The following PDE1C variants were observed in gnomAD, a reference collection of about 807,000 sequenced individuals.
PDE1C encodes dual specificity calcium/calmodulin-dependent 3',5'-cyclic nucleotide phosphodiesterase 1C.
PDE1C carries 62 observed loss-of-function variants against 93.1 expected under a neutral mutation model. The observed-to-expected ratio is 0.67, with a 90% CI of 0.54 to 0.82. The LOEUF is 0.82. PDE1C is among the 40% of genes least tolerant of loss of function. The pLI, the probability that PDE1C is intolerant of heterozygous loss-of-function variation, is 0.00. For missense variants in PDE1C, 742 were observed against 884.6 expected (o/e 0.84, Z 2.04); for synonymous variants, 325 against 310.1 (o/e 1.05, Z -0.50).
chr7:31,823,382 A>G (rs763173747), intron 13 of PDE1C, 134 bp from the exon 14 acceptor site: 15 of 640,324 alleles, frequency 2.3e-5, no homozygotes, highest in Non-Finnish European at 3.5e-5. Context: ...TGAGGTTTAT[A>G]ATTATTCTAT....
At chr7:32,157,942 A>T (rs1006565686) in intron 3 of PDE1C, among the ~76,000 whole-genome samples, 1 of 152,254 alleles carries the variant, frequency 6.6e-6, no homozygotes, top group African/African-American at 2.4e-5. Context: ...AAGTTGGCTT[A>T]GAGTTATACA....
At chr7:32,128,990 C>A (rs1490293898) in intron 3 of PDE1C, among the ~76,000 whole-genome samples, 3 of 113,398 alleles carry the variant, frequency 2.6e-5, no homozygotes, top group African/African-American at 6.6e-5. Flanking sequence ...TGAGAAACAA[C>A]CTAAACAGCC....
the PDE1C span, among the ~76,000 whole-genome samples, chr7:31,702,682 T>C: frequency 6.6e-3 from 1,000 of 152,350 alleles, 9 homozygotes; most frequent in African/African-American, 0.023. Flanking sequence ...TTGACTTACA[T>C]CAACAACTTG....
chr7:32,186,238 G>A (rs1392431283), intron 2 of PDE1C, among the ~76,000 whole-genome samples: 2 of 151,848 alleles, frequency 1.3e-5, no homozygotes, highest in African/African-American at 2.4e-5. Context: ...GAGTAGCTGG[G>A]ACTACAGGCG....
chr7:32,418,406 T>C (rs188743342), intron 1 of PDE1C, among the ~76,000 whole-genome samples: 28 of 152,322 alleles, frequency 1.8e-4, no homozygotes, highest in African/African-American at 6.3e-4. Context: ...TACCTCTTAG[T>C]TTAATGCTGG....
chr7:32,400,449 C>G (rs1354053723), intron 1 of PDE1C, among the ~76,000 whole-genome samples: 3 of 152,134 alleles, frequency 2.0e-5, no homozygotes, highest in African/African-American at 7.2e-5. Flanking sequence ...AGTCTGTGGT[C>G]AGACGGAAAA....
rs370998631 is a variant in PDE1C, at chr7:31,752,621, T to A, written c.*763A>T. 1.3e-5 allele frequency: 2 copies of A among 152,312 alleles called. No individual in the cohort carries two copies. The highest frequency in any genetic ancestry group is 3.9e-4 in the East Asian group (2 of 5,170). The allele number at this position is 152,312 out of a possible 1,614,324, so 9.4% of individuals were successfully genotyped here. A position where few individuals can be genotyped will look rare whatever the true frequency, so the allele number is the denominator to read the frequency against. On this transcript the variant is annotated 3_prime_UTR_variant, in exon 18 of 18. Coordinates refer to ENST00000396191, the MANE Select transcript of PDE1C (RefSeq NM_001191057.4). Reference sequence around the variant, plus strand: ...CTTTAAGGCAAGATTTTTTGTATCATCTACTGTGGGTAGAAGTAAAAGATT... The same window carrying A: ...CTTTAAGGCAAGATTTTTTGTATCAACTACTGTGGGTAGAAGTAAAAGATT...
At chr7:31,699,535 T>C in the PDE1C span, among the ~76,000 whole-genome samples, 1 of 152,174 alleles carries the variant, frequency 6.6e-6, no homozygotes, top group Admixed American at 6.5e-5. Flanking sequence ...GAAGAAGGAA[T>C]TGTTACATGG....
intron 9 of PDE1C, among the ~76,000 whole-genome samples, chr7:31,838,762 T>C (rs1440463889): frequency 6.6e-6 from 1 of 152,102 alleles, no homozygotes; most frequent in Non-Finnish European, 1.5e-5. Flanking sequence ...ATAATTTACA[T>C]AGAATAAACT....
At chr7:31,923,768 G>T (rs781550973) in intron 2 of PDE1C, among the ~76,000 whole-genome samples, 4 of 152,104 alleles carry the variant, frequency 2.6e-5, no homozygotes, top group Non-Finnish European at 5.9e-5. Flanking sequence ...GAGCCCAGGA[G>T]TTTGAGACCA....
At chr7:32,085,831 T>G (rs1797034257) in intron 3 of PDE1C, among the ~76,000 whole-genome samples, 1 of 149,790 alleles carries the variant, frequency 6.7e-6, no homozygotes, top group African/African-American at 2.5e-5. Context: ...TCTCAATAAA[T>G]TAGGTATTGA....
chr7:31,729,789 T>G, the PDE1C span, among the ~76,000 whole-genome samples: 1 of 152,196 alleles, frequency 6.6e-6, no homozygotes, highest in Non-Finnish European at 1.5e-5. Context: ...CTGTAACTAC[T>G]TGGGGCAAGT....
intron 9 of PDE1C, among the ~76,000 whole-genome samples, chr7:31,840,192 C>T (rs1447424731): frequency 6.6e-6 from 1 of 152,110 alleles, no homozygotes; most frequent in Non-Finnish European, 1.5e-5. Flanking sequence ...AGTGTTATCT[C>T]ATCTTGGTTT....
chr7:31,628,968 G>T, the PDE1C span, among the ~76,000 whole-genome samples: 1 of 152,084 alleles, frequency 6.6e-6, no homozygotes, highest in African/African-American at 2.4e-5. Context: ...ATTTGGACTG[G>T]TTATCACTAG....
chr7:32,015,109 G>A (rs2128597409), intron 2 of PDE1C, among the ~76,000 whole-genome samples: 1 of 152,044 alleles, frequency 6.6e-6, no homozygotes, highest in East Asian at 1.9e-4. Flanking sequence ...CCTCCTTCCT[G>A]CCTTACTTCC....
the PDE1C span, chr7:31,656,561 A>T: frequency 2.5e-6 from 2 of 787,108 alleles, no homozygotes; most frequent in African/African-American, 1.9e-5. Context: ...TGCACACAGA[A>T]TATTACCTAC....
chr7:32,304,792 GA>G (rs1812957735), intron 1 of PDE1C, among the ~76,000 whole-genome samples: 1 of 151,884 alleles, frequency 6.6e-6, no homozygotes. Flanking sequence ...GTATGTAAAA[GA>G]CTTACCCTGG....
the PDE1C span, chr7:31,652,055 G>A: frequency 2.0e-5 from 31 of 1,572,798 alleles, no homozygotes; most frequent in Non-Finnish European, 8.7e-7. Context: ...TTACTGGTAT[G>A]GGTGATGGGG....
chr7:31,861,365 T>A (rs1425554251), intron 7 of PDE1C, among the ~76,000 whole-genome samples: 1 of 152,128 alleles, frequency 6.6e-6, no homozygotes, highest in East Asian at 1.9e-4. Flanking sequence ...CTTTAGATAA[T>A]CTCATCTAGT....
Sources: allele counts gnomAD v4.1 joint callset (sites outside exome capture counted in the v4.1 genomes callset), GRCh38; gene constraint gnomAD v4.1.1; transcripts MANE v1.5; gene names NCBI Gene and HGNC (gene_info 2026-07-23, HGNC 2026-07-21).